Variants in MAP2K4 observed in about 807,000 individuals in gnomAD.
The protein encoded by MAP2K4 is dual specificity mitogen-activated protein kinase kinase 4.
Under a neutral mutation model 48.5 loss-of-function variants are expected in MAP2K4, and 4 were observed. The ratio of observed to expected loss-of-function variants is 0.08; its 90% CI spans 0.04 to 0.19. The LOEUF (loss-of-function observed/expected upper bound fraction) is 0.19. MAP2K4 is among the 10% of genes least tolerant of loss of function. The probability of loss-of-function intolerance (pLI) is 1.00; values close to 1 mark genes in which losing one functional copy is unlikely to be tolerated. For missense variants in MAP2K4, 258 were observed against 493.3 expected (o/e 0.52, Z 4.52); for synonymous variants, 166 against 173.1 (o/e 0.96, Z 0.32).
intron 4 of MAP2K4, among the ~76,000 whole-genome samples, chr17:12,098,541 TAAAC>T (rs927565949): frequency 5.9e-5 from 9 of 151,664 alleles, no homozygotes; most frequent in East Asian, 1.9e-4. Flanking sequence ...ATGTAAGTAA[TAAAC>T]AGATTGAATA....
At chr17:12,033,245 A>G (rs1275228441) in intron 1 of MAP2K4, among the ~76,000 whole-genome samples, 1 of 152,188 alleles carries the variant, frequency 6.6e-6, no homozygotes, top group African/African-American at 2.4e-5. Context: ...CCAAAATATG[A>G]TATAAGTCGT....
chr17:12,039,907 T>C (rs1969723172), intron 1 of MAP2K4, among the ~76,000 whole-genome samples: 1 of 152,232 alleles, frequency 6.6e-6, no homozygotes, highest in African/African-American at 2.4e-5. Context: ...TGCATCCTTT[T>C]AGTGTTTAAC....
At chr17:12,040,367 G>C (rs533515484) in intron 1 of MAP2K4, among the ~76,000 whole-genome samples, 6 of 152,150 alleles carry the variant, frequency 3.9e-5, no homozygotes, top group Non-Finnish European at 8.8e-5. Context: ...TGAAGGATAT[G>C]AAAGTGTATT....
chr17:12,063,913 C>T (rs184679230), intron 2 of MAP2K4, among the ~76,000 whole-genome samples: 18 of 141,784 alleles, frequency 1.3e-4, no homozygotes, highest in Admixed American at 3.9e-4. Flanking sequence ...CGGAGGTTGC[C>T]GTAAGTAGAG....
chr17:12,101,163 T>C (rs1971924903), intron 4 of MAP2K4, among the ~76,000 whole-genome samples: 1 of 152,182 alleles, frequency 6.6e-6, no homozygotes, highest in Admixed American at 6.5e-5. Context: ...CTCTTATGTA[T>C]TCTCCTAGCA....
chr17:12,079,998 C>G (rs774938928), intron 2 of MAP2K4, among the ~76,000 whole-genome samples: 31 of 152,162 alleles, frequency 2.0e-4, no homozygotes, highest in Non-Finnish European at 3.8e-4. Context: ...TGAATGAAAG[C>G]TTATCACTTA....
chr17:12,112,452 G>A (rs1972336696), intron 6 of MAP2K4, among the ~76,000 whole-genome samples: 1 of 133,432 alleles, frequency 7.5e-6, no homozygotes, highest in Non-Finnish European at 1.6e-5. Flanking sequence ...AAAAAAGAGC[G>A]AGACTCTTGT....
At chr17:12,054,771 A>T (rs1025044154) in intron 1 of MAP2K4, 118 bp from the exon 2 acceptor site, 4 of 606,776 alleles carry the variant, frequency 6.6e-6, no homozygotes, top group Middle Eastern at 4.5e-4. Flanking sequence ...ATATTGTCCT[A>T]TATTAACTGT....
In MAP2K4 at chr17:12,121,574, CAA is replaced by C. The variant is rs10569548; in HGVS notation, c.814-3701_814-3700del. Among the ~76,000 whole-genome samples, 371 of 101,516 alleles carry C rather than the reference CAA, an allele frequency of 3.7e-3. 2 individuals carry two copies. Among genetic ancestry groups the C allele is most frequent in the East Asian group, 0.027 (93 of 3,450 alleles). 66.6% of individuals were successfully genotyped at this position (101,516 alleles called of 152,430 possible). On this transcript the variant is annotated intron_variant, in intron 7 of 10. Coordinates refer to ENST00000353533, the MANE Select transcript of MAP2K4 (RefSeq NM_003010.4). ...TGGGTGACAGAGCGAGACTCCGTCTCAAAAAAAAAAAAAAAAAAAAGATTCCA... is the reference window on the plus strand; with the variant it reads ...TGGGTGACAGAGCGAGACTCCGTCTCAAAAAAAAAAAAAAAAAAGATTCCA...
intron 1 of MAP2K4, chr17:12,021,234 C>T (rs950193687): frequency 3.4e-6 from 1 of 297,706 alleles, no homozygotes; most frequent in Non-Finnish European, 6.2e-6. Flanking sequence ...CGCTTGGCCC[C>T]TGGGCCCTAC....
chr17:12,079,081 G>T (rs569113360), intron 2 of MAP2K4, among the ~76,000 whole-genome samples: 2 of 152,302 alleles, frequency 1.3e-5, no homozygotes, highest in South Asian at 4.1e-4. Flanking sequence ...GCTTTGCTGA[G>T]ATGTAATTCA....
In MAP2K4 at chr17:12,084,595, G is replaced by A. The variant is rs1022708226; in HGVS notation, c.393+3065G>A. Among the ~76,000 whole-genome samples the A allele has an allele frequency of 4.6e-5, 7 of 152,132 alleles. No individual in the cohort carries two copies. In the East Asian group the frequency reaches 5.8e-4, roughly 13 times the overall value. Reference sequence around the variant, plus strand: ...ATTTATTTAGTGTCCTGTTTTGCACGGTGGTGGGGTAACCACTGAATGAAA... The same window carrying A: ...ATTTATTTAGTGTCCTGTTTTGCACAGTGGTGGGGTAACCACTGAATGAAA... On this transcript the variant is annotated intron_variant, in intron 3 of 10. Coordinates refer to ENST00000353533, the MANE Select transcript of MAP2K4 (RefSeq NM_003010.4).
At chr17:12,044,166 A>G (rs747108242) in intron 1 of MAP2K4, among the ~76,000 whole-genome samples, 8 of 152,204 alleles carry the variant, frequency 5.3e-5, no homozygotes, top group Non-Finnish European at 8.8e-5. Flanking sequence ...TATATTTTTC[A>G]TTGTACTACA....
intron 10 of MAP2K4, 125 bp downstream of exon 10, chr17:12,140,009 T>G: frequency 1.7e-6 from 1 of 583,418 alleles, no homozygotes. Flanking sequence ...ATTGAGTGTT[T>G]TTTGTTAATG....
intron 1 of MAP2K4, among the ~76,000 whole-genome samples, chr17:12,033,319 A>T (rs1445609403): frequency 1.3e-5 from 2 of 150,574 alleles, no homozygotes; most frequent in Non-Finnish European, 3.0e-5. Flanking sequence ...GTCATTCTTA[A>T]GTACATTGAT....
intron 1 of MAP2K4, chr17:12,032,194 G>A (rs927827088): frequency 2.1e-5 from 14 of 674,152 alleles, no homozygotes; most frequent in Non-Finnish European, 2.7e-5. Flanking sequence ...ATATAAAAAT[G>A]CAATGTCATG....
chr17:12,139,067 GATA>G (rs1973297222), intron 9 of MAP2K4, among the ~76,000 whole-genome samples: 2 of 152,264 alleles, frequency 1.3e-5, no homozygotes, highest in Admixed American at 1.3e-4. Flanking sequence ...GAAGGTGTGG[GATA>G]TGGAAAACAG....
chr17:12,093,407 A>G (rs978453928), intron 3 of MAP2K4, among the ~76,000 whole-genome samples: 1 of 152,170 alleles, frequency 6.6e-6, no homozygotes. Context: ...TGTAGTCCAT[A>G]TATCCTTTCT....
intron 1 of MAP2K4, among the ~76,000 whole-genome samples, chr17:12,043,827 A>G (rs2151518281): frequency 6.6e-6 from 1 of 152,078 alleles, no homozygotes; most frequent in Middle Eastern, 3.4e-3. Context: ...AGGGGTTTTT[A>G]TGGAGGTTTT....
Sources: gnomAD v4.1 joint callset for allele counts (sites outside exome capture counted in the v4.1 genomes callset) on GRCh38, gnomAD v4.1.1 for gene constraint, MANE v1.5 for transcripts, NCBI Gene and HGNC (gene_info 2026-07-23, HGNC 2026-07-21) for gene names.